Variants in INSR observed in about 807,000 individuals in gnomAD.
INSR encodes insulin receptor.
In INSR, 67 loss-of-function variants were observed where a neutral mutation model predicts 142.6. The observed-to-expected ratio is 0.47, with a 90% CI of 0.39 to 0.58. INSR has a LOEUF of 0.58. INSR is among the 20% of genes least tolerant of loss of function. INSR has a pLI of 0.00. For synonymous variants in INSR, 756 were observed against 743.1 expected (o/e 1.02, Z -0.28); for missense variants, 1,248 against 1,833.2 (o/e 0.68, Z 5.83).
At chr19:7,259,818 CAAA>C (rs10532581) in intron 2 of INSR, among the ~76,000 whole-genome samples, 23,219 of 134,662 alleles carry the variant, frequency 0.17, 3,861 homozygotes, top group African/African-American at 0.45. Context: ...GACTCTGTCT[CAAA>C]AAAAAAAAAA....
chr19:7,155,278 T>C (rs1359681146), intron 9 of INSR, among the ~76,000 whole-genome samples: 1 of 152,130 alleles, frequency 6.6e-6, no homozygotes, highest in Non-Finnish European at 1.5e-5. Flanking sequence ...CCCTCTCCTG[T>C]AATCCCAGCA....
intron 2 of INSR, among the ~76,000 whole-genome samples, chr19:7,201,600 G>A (rs1484498923): frequency 3.3e-5 from 5 of 151,292 alleles, no homozygotes; most frequent in Admixed American, 1.3e-4. Context: ...ACTCCAGCCT[G>A]GGCGACCAAG....
chr19:7,203,518 G>A (rs1200721731), intron 2 of INSR, among the ~76,000 whole-genome samples: 6 of 152,104 alleles, frequency 3.9e-5, no homozygotes, highest in Non-Finnish European at 5.9e-5. Flanking sequence ...ATTGCAAGGC[G>A]GGTTTCCCTG....
chr19:7,273,211 A>C (rs1967973229), intron 1 of INSR, among the ~76,000 whole-genome samples: 1 of 152,200 alleles, frequency 6.6e-6, no homozygotes, highest in African/African-American at 2.4e-5. Context: ...GGAACAATCA[A>C]GAATTGCTTT....
At position 7,166,936 on chromosome 19, in the gene INSR, A is replaced by AATAAATAG. The variant is rs144702986; in HGVS notation, c.1611-533_1611-532insCTATTTAT. Among the ~76,000 whole-genome samples, 37,195 of 151,676 alleles carry AATAAATAG rather than the reference A, an allele frequency of 0.25. 4,577 individuals are homozygous for AATAAATAG. Among genetic ancestry groups the AATAAATAG allele is most frequent in the Middle Eastern group, 0.3 (88 of 294 alleles). On this transcript the variant is annotated intron_variant, in intron 7 of 21. Transcript: ENST00000302850. This position sits in a 1 kb window ranked among gnomAD's most constrained non-coding sequence, Gnocchi z 4.1. Reference sequence around the variant, plus strand: ...TCTGTTTCAAAAACATAAATAAATAAATAAATAAATAAATGCTTGGGACCA... The same window carrying AATAAATAG: ...TCTGTTTCAAAAACATAAATAAATAAATAAATAGATAAATAAATAAATGCTTGGGACCA...
rs1187474211 is a variant in INSR at position 7,128,333 on chromosome 19, TC to T, written c.2945+518del. 2.6e-5 allele frequency among the ~76,000 whole-genome samples: 4 copies of T among 151,938 alleles called. No individual in the cohort carries two copies. In the East Asian group the frequency reaches 7.7e-4, roughly 29 times the overall value. The stretch of plus-strand genomic sequence containing the variant: ...GTTCAGTAATTCTCCTGCCTCAGCC[TC>T]CTGAGTAGCTGGGATTACAGGCGCC... On this transcript the variant is annotated intron_variant, in intron 15 of 21. Transcript: ENST00000302850.
chr19:7,284,001 T>C (rs938044033), intron 1 of INSR, among the ~76,000 whole-genome samples: 7 of 152,188 alleles, frequency 4.6e-5, no homozygotes, highest in African/African-American at 1.7e-4. Context: ...ATAGAACTCA[T>C]GCCTGAACAA....
intron 2 of INSR, among the ~76,000 whole-genome samples, chr19:7,188,901 G>A (rs577934571): frequency 6.6e-6 from 1 of 151,448 alleles, no homozygotes; most frequent in Non-Finnish European, 1.5e-5. Flanking sequence ...AAAGGGAGGG[G>A]GGATTGTTAA....
intron 3 of INSR, among the ~76,000 whole-genome samples, chr19:7,180,529 C>CAAAAAAAAAAAAA (rs57184012): frequency 3.5e-4 from 32 of 91,842 alleles, no homozygotes; most frequent in African/African-American, 4.0e-4. Context: ...GACCTTGTCT[C>CAAAAAAAAAAAAA]AAAAAAAAAA....
intron 1 of INSR, among the ~76,000 whole-genome samples, chr19:7,289,992 G>T (rs1968448439): frequency 6.6e-6 from 1 of 152,186 alleles, no homozygotes; most frequent in South Asian, 2.1e-4. Context: ...AGGAATGGAA[G>T]TCAAGGGTAG....
intron 15 of INSR, among the ~76,000 whole-genome samples, chr19:7,127,818 A>G (rs965218386): frequency 6.6e-6 from 1 of 152,072 alleles, no homozygotes; most frequent in Non-Finnish European, 1.5e-5. Context: ...ATCTCGGCTC[A>G]CTGCAACCTC....
At chr19:7,144,419 T>C (rs913371251) in intron 11 of INSR, among the ~76,000 whole-genome samples, 1 of 152,162 alleles carries the variant, frequency 6.6e-6, no homozygotes, top group African/African-American at 2.4e-5. Flanking sequence ...TTTATTTATT[T>C]TGAGACAGAG....
At chr19:7,220,647 A>C (rs1010103337) in intron 2 of INSR, among the ~76,000 whole-genome samples, 19 of 152,152 alleles carry the variant, frequency 1.2e-4, no homozygotes, top group African/African-American at 4.6e-4. Context: ...TGTTATGCCC[A>C]TTCGAAAAAC....
chr19:7,252,468 G>A (rs957887986), intron 2 of INSR, among the ~76,000 whole-genome samples: 2 of 152,156 alleles, frequency 1.3e-5, no homozygotes, highest in Non-Finnish European at 2.9e-5. Context: ...CGTCTGCTAG[G>A]TTAGTCAATT....
intron 9 of INSR, among the ~76,000 whole-genome samples, chr19:7,158,487 C>T (rs1235430398): frequency 2.6e-5 from 4 of 151,848 alleles, no homozygotes; most frequent in Non-Finnish European, 5.9e-5. Flanking sequence ...GGTGACAGAG[C>T]GAGACTCCGT....
intron 11 of INSR, among the ~76,000 whole-genome samples, chr19:7,143,553 T>G (rs1297821506): frequency 6.6e-6 from 1 of 152,196 alleles, no homozygotes; most frequent in Admixed American, 6.6e-5. Flanking sequence ...ATACATCTTT[T>G]CCTTCTTATT....
At chr19:7,244,545 A>G (rs1292972165) in intron 2 of INSR, among the ~76,000 whole-genome samples, 1 of 152,158 alleles carries the variant, frequency 6.6e-6, no homozygotes, top group African/African-American at 2.4e-5. Flanking sequence ...AAAGAAAAAA[A>G]AAGATTTGAG....
intron 1 of INSR, among the ~76,000 whole-genome samples, chr19:7,289,835 G>T (rs548495865): frequency 1.3e-5 from 2 of 152,154 alleles, no homozygotes; most frequent in African/African-American, 2.4e-5. Context: ...TGTCATGCCT[G>T]GGGGGAAGGG....
intron 1 of INSR, among the ~76,000 whole-genome samples, chr19:7,272,108 T>G (rs1005081203): frequency 6.6e-6 from 1 of 151,964 alleles, no homozygotes; most frequent in Non-Finnish European, 1.5e-5. Context: ...ATTGAGACCA[T>G]CCTGGCCAAC....
Sources: allele counts gnomAD v4.1 joint callset (sites outside exome capture counted in the v4.1 genomes callset), GRCh38; gene constraint gnomAD v4.1.1; non-coding constraint Gnocchi (gnomAD v3.1); transcripts MANE v1.5; gene names NCBI Gene and HGNC (gene_info 2026-07-23, HGNC 2026-07-21).